TTBK2: variants seen among roughly 807,000 people sequenced by gnomAD.
TTBK2 encodes tau tubulin kinase 2, also known as tau-tubulin kinase 2.
TTBK2 carries 28 observed loss-of-function variants against 110.8 expected under a neutral mutation model. That is an observed-to-expected ratio of 0.25 (90% confidence interval 0.19 to 0.35). The LOEUF is 0.35. TTBK2 is among the 10% of genes least tolerant of loss of function. The pLI is 1.00. For synonymous variants in TTBK2, 532 were observed against 527.3 expected, an observed-to-expected ratio of 1.01 and a Z score of -0.12; for missense variants, 1,369 against 1,500.3, an observed-to-expected ratio of 0.91 and a Z score of 1.45.
intron 3 of TTBK2, among the ~76,000 whole-genome samples, chr15:42,846,300 G>A (rs763667661): frequency 2.7e-5 from 4 of 150,650 alleles, no homozygotes; most frequent in Non-Finnish European, 4.4e-5. Flanking sequence ...AGCAATTCTC[G>A]TGCCTCAGCC....
intron 13 of TTBK2, among the ~76,000 whole-genome samples, chr15:42,769,605 A>G (rs1595892025): frequency 1.3e-5 from 2 of 152,198 alleles, no homozygotes; most frequent in East Asian, 3.8e-4. Context: ...AAAGTCAGGA[A>G]ACAACAGGTG....
chr15:42,910,212 A>T (rs1454950646), intron 1 of TTBK2, among the ~76,000 whole-genome samples: 1 of 152,228 alleles, frequency 6.6e-6, no homozygotes, highest in Non-Finnish European at 1.5e-5. Flanking sequence ...AGAATAGATT[A>T]GGCAACAATA....
At chr15:42,902,657 T>C (rs779987414) in intron 1 of TTBK2, among the ~76,000 whole-genome samples, 1 of 151,894 alleles carries the variant, frequency 6.6e-6, no homozygotes, top group Non-Finnish European at 1.5e-5. Context: ...GGGAATATAA[T>C]ATGGGACAGT....
In TTBK2 at chr15:42,841,749, A is replaced by G. The variant is rs75140421; in HGVS notation, c.218-1316T>C. Among the ~76,000 whole-genome samples, 13 of 152,352 alleles carry G rather than the reference A, an allele frequency of 8.5e-5. No homozygotes were observed. In the East Asian group the frequency reaches 2.5e-3, roughly 29 times the overall value. On this transcript the variant is annotated intron_variant, in intron 3 of 14. Transcript: ENST00000267890. ...GGGGATTAGAGATAGATAAAATAAG[A>G]TAAATCTGACCAATATTAAAGATGT... is the stretch of plus-strand genomic sequence containing the variant.
intron 1 of TTBK2, among the ~76,000 whole-genome samples, chr15:42,913,424 G>A (rs2030899596): frequency 6.6e-6 from 1 of 151,996 alleles, no homozygotes; most frequent in East Asian, 1.9e-4. Flanking sequence ...CGGATCACGG[G>A]GTCAGGAGAT....
chr15:42,782,117 G>A (rs1322505064), intron 11 of TTBK2, among the ~76,000 whole-genome samples: 3 of 151,922 alleles, frequency 2.0e-5, no homozygotes, highest in East Asian at 3.9e-4. Context: ...TGTCATCCAG[G>A]CTGGAGTGCA....
At chr15:42,815,572 A>C (rs1337651021) in intron 7 of TTBK2, among the ~76,000 whole-genome samples, 1 of 151,990 alleles carries the variant, frequency 6.6e-6, no homozygotes, top group Non-Finnish European at 1.5e-5. Flanking sequence ...AAGGGGAAAA[A>C]GTCAGCGCAG....
chr15:42,871,304 T>C, intron 3 of TTBK2: 1 of 262,766 alleles, frequency 3.8e-6, no homozygotes, highest in Non-Finnish European at 5.9e-6. Flanking sequence ...AGGAGACAGC[T>C]AGCATCCAAG....
intron 13 of TTBK2, among the ~76,000 whole-genome samples, chr15:42,758,241 T>C (rs891179979): frequency 1.3e-5 from 2 of 152,228 alleles, no homozygotes; most frequent in Non-Finnish European, 2.9e-5. Flanking sequence ...GAGATATACA[T>C]AGAATAATGT....
At chr15:42,763,173 TATATATATATATATATATA>T (rs1456382271) in intron 13 of TTBK2, among the ~76,000 whole-genome samples, 5 of 17,942 alleles carry the variant, frequency 2.8e-4, no homozygotes, top group African/African-American at 4.9e-4. Context: ...TATATATATA[TATATATATATATATATATA>T]TTTTTTTTTT....
chr15:42,904,561 T>C (rs560331073), intron 1 of TTBK2, among the ~76,000 whole-genome samples: 119 of 152,294 alleles, frequency 7.8e-4, no homozygotes, highest in Non-Finnish European at 1.4e-3. Flanking sequence ...TCTGGAGGTG[T>C]TGCCAAACAG....
intron 10 of TTBK2, among the ~76,000 whole-genome samples, chr15:42,784,347 G>A (rs568575599): frequency 5.3e-5 from 8 of 151,812 alleles, no homozygotes; most frequent in Admixed American, 3.9e-4. Context: ...ACGCGATCTC[G>A]GCTCACTGAA....
At position 42,870,833 on chromosome 15, in the gene TTBK2, T is replaced by C. The variant is rs1264908703; in HGVS notation, c.217+1778A>G. 2.4e-4 allele frequency among the ~76,000 whole-genome samples: 35 copies of C among 148,864 alleles called. No individual in the cohort carries two copies. In the Admixed American group the frequency reaches 2.4e-3, roughly 10 times the overall value. On this transcript the variant is annotated intron_variant, in intron 3 of 14. Transcript: ENST00000267890. ...CCGAGATCATGCCACTGTACTCCAG[T>C]GTGGTGACAGAACAAGACTCCGTCT...
At chr15:42,819,890 A>G (rs979861510) in intron 6 of TTBK2, among the ~76,000 whole-genome samples, 1 of 152,098 alleles carries the variant, frequency 6.6e-6, no homozygotes, top group African/African-American at 2.4e-5. Flanking sequence ...TTGCCCAATT[A>G]TTTTCATTCC....
At chr15:42,897,869 A>G (rs1895729556) in intron 1 of TTBK2, among the ~76,000 whole-genome samples, 1 of 148,702 alleles carries the variant, frequency 6.7e-6, no homozygotes, top group South Asian at 2.1e-4. Flanking sequence ...CACACACGGA[A>G]CTTCCAATCA....
chr15:42,846,479 G>T (rs566211025), intron 3 of TTBK2, among the ~76,000 whole-genome samples: 5 of 152,118 alleles, frequency 3.3e-5, no homozygotes, highest in Non-Finnish European at 7.4e-5. Flanking sequence ...ACCATGCCCA[G>T]CCTTTTTCCT....
intron 3 of TTBK2, among the ~76,000 whole-genome samples, chr15:42,861,829 G>C (rs1241625184): frequency 6.6e-6 from 1 of 152,008 alleles, no homozygotes; most frequent in Non-Finnish European, 1.5e-5. Context: ...GAATAAACAA[G>C]ATTGACAGCA....
At chr15:42,914,878 C>T (rs1282347777) in intron 1 of TTBK2, among the ~76,000 whole-genome samples, 2 of 152,220 alleles carry the variant, frequency 1.3e-5, no homozygotes, top group African/African-American at 4.8e-5. Context: ...ATGCTCATGT[C>T]TGCATCTTCC....
At chr15:42,886,000 C>A (rs1379496692) in intron 1 of TTBK2, among the ~76,000 whole-genome samples, 1 of 152,136 alleles carries the variant, frequency 6.6e-6, no homozygotes, top group Admixed American at 6.5e-5. Context: ...AAAAAATGGG[C>A]AAATGGTCTG....
Sources: allele counts gnomAD v4.1 joint callset (sites outside exome capture counted in the v4.1 genomes callset), GRCh38; gene constraint gnomAD v4.1.1; transcripts MANE v1.5; gene names NCBI Gene and HGNC (gene_info 2026-07-23, HGNC 2026-07-21).